MGMT: variants seen among roughly 807,000 people sequenced by gnomAD.
MGMT encodes the protein methylated-DNA--protein-cysteine methyltransferase.
Under a neutral mutation model 15.9 loss-of-function variants are expected in MGMT, and 14 were observed. The ratio of observed to expected loss-of-function variants is 0.88; its 90% confidence interval spans 0.58 to 1.37. MGMT has a LOEUF of 1.37. Among genes scored for constraint, MGMT ranks in the 40% most tolerant of loss-of-function variants. MGMT has a pLI of 0.00. For missense variants in MGMT, 282 were observed against 268.1 expected, an observed-to-expected ratio of 1.05 and a Z score of -0.36; for synonymous variants, 130 against 118.2, an observed-to-expected ratio of 1.10 and a Z score of -0.65.
chr10:129,693,469 G>T (rs959410063), intron 2 of MGMT, among the ~76,000 whole-genome samples: 3 of 152,186 alleles, frequency 2.0e-5, no homozygotes, highest in Admixed American at 1.3e-4. Flanking sequence ...TTGGCCGGAA[G>T]CATAACTCTA....
chr10:129,766,957 C>A lies in MGMT; in HGVS notation c.584C>A (p.Ala195Glu). ...SGLAGAWLKG[A>E]GATSGSPPAG... ...CTGGCAGGGGCCTGGCTCAAGGGAG[C>A]GGGAGCTACCTCGGGCTCCCCGCCT... Residue 195 changes from alanine (A) to glutamate (E), a missense_variant, in exon 5 of 5, where the codon GCG becomes GAG. Transcript: ENST00000651593. The A allele has an allele frequency of 6.2e-7, 1 of 1,609,796 alleles. No individual in the cohort carries two copies. The highest frequency in any genetic ancestry group is 8.5e-7 in the Non-Finnish European group (1 of 1,178,152).
At position 129,532,865 on chromosome 10, in the gene MGMT, C is replaced by G. The variant is rs188176084; in HGVS notation, c.-12-3376C>G. Among the ~76,000 whole-genome samples the G allele has an allele frequency of 8.6e-4, 131 of 152,308 alleles. No individual in the cohort carries two copies. Among genetic ancestry groups the G allele is most frequent in the African/African-American group, 2.9e-3 (121 of 41,570 alleles). ...TGCGCAGCTAGTGTCTGACCAGCCC[C>G]CACATGGGGCACTCCCCAGTCCGAA... On this transcript the variant is annotated intron_variant, in intron 1 of 4. Transcript: ENST00000651593. The surrounding 1 kb of genome is among the most constrained non-coding windows in gnomAD (Gnocchi z 5.3).
intron 2 of MGMT, among the ~76,000 whole-genome samples, chr10:129,594,197 C>T (rs578035303): frequency 3.9e-5 from 6 of 152,214 alleles, no homozygotes; most frequent in East Asian, 3.9e-4. Flanking sequence ...TGGAAGAGGG[C>T]GTTGCAATGA....
intron 1 of MGMT, among the ~76,000 whole-genome samples, chr10:129,496,410 C>T (rs1035883914): frequency 1.3e-5 from 2 of 152,112 alleles, no homozygotes; most frequent in Non-Finnish European, 2.9e-5. Context: ...ACTTTTATAA[C>T]AAGATTAATA....
At chr10:129,730,559 C>T (rs1472908663) in intron 3 of MGMT, among the ~76,000 whole-genome samples, 3 of 152,126 alleles carry the variant, frequency 2.0e-5, no homozygotes, top group Admixed American at 6.5e-5. Context: ...AGAGCAGACG[C>T]GAGGTTTGCA....
chr10:129,646,483 C>G (rs908416857), intron 2 of MGMT, among the ~76,000 whole-genome samples: 5 of 151,808 alleles, frequency 3.3e-5, no homozygotes, highest in Non-Finnish European at 7.4e-5. Context: ...ACTCTAAAGT[C>G]TCGACATGAT....
chr10:129,719,375 C>T (rs949292546), intron 3 of MGMT, among the ~76,000 whole-genome samples: 2 of 152,228 alleles, frequency 1.3e-5, no homozygotes, highest in African/African-American at 4.8e-5. Flanking sequence ...GGGGCAACCT[C>T]GGGAAACACT....
At chr10:129,729,051 G>T (rs926824502) in intron 3 of MGMT, among the ~76,000 whole-genome samples, 4 of 152,042 alleles carry the variant, frequency 2.6e-5, no homozygotes, top group East Asian at 1.9e-4. Flanking sequence ...AAGGGAGATG[G>T]CCCTGGCATG....
At chr10:129,637,904 T>C (rs1276554652) in intron 2 of MGMT, among the ~76,000 whole-genome samples, 1 of 152,180 alleles carries the variant, frequency 6.6e-6, no homozygotes, top group East Asian at 1.9e-4. Context: ...AGAAAATAAA[T>C]GTCTGTTCTT....
intron 2 of MGMT, among the ~76,000 whole-genome samples, chr10:129,544,328 C>T (rs995851347): frequency 1.2e-4 from 18 of 152,248 alleles, no homozygotes; most frequent in Admixed American, 1.0e-3. Flanking sequence ...GCATCGGCGT[C>T]TGTTCAGGTT....
At chr10:129,697,886 C>T (rs1848050323) in intron 2 of MGMT, among the ~76,000 whole-genome samples, 1 of 152,190 alleles carries the variant, frequency 6.6e-6, no homozygotes, top group Admixed American at 6.5e-5. Flanking sequence ...TTCTCTGCCC[C>T]TAAATTCTTA....
At chr10:129,587,442 A>G (rs961519608) in intron 2 of MGMT, among the ~76,000 whole-genome samples, 2 of 146,534 alleles carry the variant, frequency 1.4e-5, no homozygotes, top group Admixed American at 6.9e-5. Context: ...CTTCTCAGGC[A>G]TGGTGATTTT....
rs1848949383 is a variant in MGMT at position 129,767,209 on chromosome 10, A to G, written c.*212A>G. ...CCTTCTCTAACGCTGCCCTTGCTCT[A>G]TTTTTCATGTCCATTAAAACAGGCC... is the stretch of plus-strand genomic sequence containing the variant. On this transcript the variant is annotated 3_prime_UTR_variant, in exon 5 of 5. Transcript: ENST00000651593. 2 of 488,112 alleles carry G rather than the reference A, an allele frequency of 4.1e-6. No homozygotes were observed. The highest frequency in any genetic ancestry group is 7.2e-6 in the Non-Finnish European group (2 of 276,912). The allele number at this position is 488,112 out of a possible 1,614,324, so 30.2% of individuals were successfully genotyped here.
At chr10:129,619,227 CTT>C (rs1259034463) in intron 2 of MGMT, among the ~76,000 whole-genome samples, 2 of 152,034 alleles carry the variant, frequency 1.3e-5, no homozygotes, top group Admixed American at 6.6e-5. Flanking sequence ...TGGTTTCTGT[CTT>C]TTATTCTGAT....
intron 1 of MGMT, among the ~76,000 whole-genome samples, chr10:129,529,222 A>G (rs1392062053): frequency 2.0e-5 from 3 of 151,956 alleles, no homozygotes; most frequent in Non-Finnish European, 4.4e-5. Context: ...GACTGAGGCC[A>G]GAGAAGGAAG....
intron 3 of MGMT, among the ~76,000 whole-genome samples, chr10:129,737,634 T>G (rs1589967729): frequency 6.6e-6 from 1 of 151,924 alleles, no homozygotes; most frequent in African/African-American, 2.4e-5. Flanking sequence ...GGCGCTCTGC[T>G]TTTTAGAGTT....
At chr10:129,740,035 C>T (rs1025782642) in intron 3 of MGMT, among the ~76,000 whole-genome samples, 1 of 152,206 alleles carries the variant, frequency 6.6e-6, no homozygotes, top group Non-Finnish European at 1.5e-5. Context: ...CTGTTTTAAT[C>T]AACAGTCATT....
intron 2 of MGMT, among the ~76,000 whole-genome samples, chr10:129,557,296 A>G (rs1846224973): frequency 6.6e-6 from 1 of 152,082 alleles, no homozygotes; most frequent in African/African-American, 2.4e-5. Context: ...CTCCTTGTTT[A>G]ACTTCTTGGG....
chr10:129,571,637 A>G (rs775287346), intron 2 of MGMT, among the ~76,000 whole-genome samples: 4 of 152,310 alleles, frequency 2.6e-5, no homozygotes, highest in Non-Finnish European at 5.9e-5. Flanking sequence ...TGTTTCGATC[A>G]ATTTGTCTGT....
Sources: gnomAD v4.1 joint callset for allele counts (sites outside exome capture counted in the v4.1 genomes callset) on GRCh38, gnomAD v4.1.1 for gene constraint, Gnocchi (gnomAD v3.1) non-coding constraint, MANE v1.5 for transcripts, NCBI Gene and HGNC (gene_info 2026-07-23, HGNC 2026-07-21) for gene names.